SERINC5: variants seen among roughly 807,000 people sequenced by gnomAD.
SERINC5 encodes the protein serine incorporator 5, also known as chromosome 5 open reading frame 12.
In SERINC5, 41 loss-of-function variants were observed where a neutral mutation model predicts 63.1. That is an observed-to-expected ratio of 0.65 (90% CI 0.51 to 0.84). SERINC5 has a LOEUF of 0.84. SERINC5 is among the 40% of genes least tolerant of loss of function. SERINC5 has a pLI of 0.00. For synonymous variants in SERINC5, 222 were observed against 215.2 expected (o/e 1.03, Z -0.28); for missense variants, 523 against 573.0 (o/e 0.91, Z 0.89).
In SERINC5 at chr5:80,203,270, A is replaced by G. The variant is rs972310293; in HGVS notation, c.28-217T>C. ...AATATATATACACATATATATATAT[A>G]TGTGTATATATATTTATATATATTG... On this transcript the variant is annotated intron_variant, in intron 1 of 11. Coordinates refer to ENST00000507668, the MANE Select transcript of SERINC5 (RefSeq NM_001174072.3). The G allele has an allele frequency of 5.5e-4, 110 of 200,924 alleles. 2 individuals are homozygous for G. The highest frequency in any genetic ancestry group is 1.7e-3 in the South Asian group (19 of 11,478). 12.4% of individuals were successfully genotyped at this position (200,924 alleles called of 1,614,324 possible). A position where few individuals can be genotyped will look rare whatever the true frequency, so the allele number is the denominator to read the frequency against.
intron 11 of SERINC5, among the ~76,000 whole-genome samples, chr5:80,119,550 T>G (rs1428872015): frequency 6.6e-6 from 1 of 152,204 alleles, no homozygotes; most frequent in Non-Finnish European, 1.5e-5. Flanking sequence ...TAACTATTCT[T>G]TGAATCCCTC....
chr5:80,158,703 C>G (rs1425359451), intron 8 of SERINC5, 133 bp downstream of exon 8: 2 of 804,442 alleles, frequency 2.5e-6, no homozygotes, highest in Non-Finnish European at 1.9e-6. Flanking sequence ...TCACGCTCTT[C>G]GCCTTTTTAC....
chr5:80,215,361 C>CA (rs1466263746), intron 1 of SERINC5, among the ~76,000 whole-genome samples: 5 of 152,166 alleles, frequency 3.3e-5, no homozygotes, highest in Non-Finnish European at 7.4e-5. Flanking sequence ...GAGGCCTCCC[C>CA]AAAAGCAGAA....
chr5:80,169,535 G>A lies in SERINC5; in HGVS notation c.563C>T (p.Thr188Ile), dbSNP rs1327027820. 6.2e-7 allele frequency: 1 copy of A among 1,612,710 alleles called. No individual in the cohort carries two copies. Among genetic ancestry groups the A allele is most frequent in the Non-Finnish European group, 8.5e-7 (1 of 1,179,308 alleles). Residue 188 changes from threonine to isoleucine, a missense_variant, in exon 6 of 12, where the codon ACA (threonine) becomes ATA (isoleucine). By Grantham distance (89) the Thr-to-Ile change is moderately conservative. Coordinates refer to ENST00000507668, the MANE Select transcript of SERINC5 (RefSeq NM_001174072.3). ...HKWNKNWTAG[T>I]ASNKLWYASL... ...GGCGTACCACAGCTTGTTACTGGCTGTGCCTGCTGTCCTGTTTCTCCGGGA... is the reference window on the plus strand; with the variant it reads ...GGCGTACCACAGCTTGTTACTGGCTATGCCTGCTGTCCTGTTTCTCCGGGA...
intron 5 of SERINC5, among the ~76,000 whole-genome samples, chr5:80,173,220 AGG>A (rs1747776596): frequency 7.5e-6 from 1 of 133,814 alleles, no homozygotes; most frequent in African/African-American, 2.8e-5. Context: ...AAAGGCAGGA[AGG>A]AAAGAAGGAA....
Position 80,240,007 on chromosome 5 carries a change from G to A in SERINC5, c.27+15889C>T, listed in dbSNP as rs114647987. 3.9e-3 allele frequency among the ~76,000 whole-genome samples: 598 copies of A among 152,302 alleles called. 4 individuals are homozygous for A. The highest frequency in any genetic ancestry group is 0.014 in the African/African-American group (578 of 41,562). ...GCTTGGTCAGCCTTCCTGAAGCTCT[G>A]CAAGTCCAAGGCTTCTGAGCTATTT... On this transcript the variant is annotated intron_variant, in intron 1 of 11. Coordinates refer to ENST00000507668, the MANE Select transcript of SERINC5 (RefSeq NM_001174072.3).
intron 8 of SERINC5, chr5:80,158,131 G>A (rs1219482434): frequency 3.9e-5 from 6 of 152,178 alleles, no homozygotes; most frequent in Non-Finnish European, 7.3e-5. Context: ...TTAAAGGGAA[G>A]CTTAGTTATC....
intron 11 of SERINC5, among the ~76,000 whole-genome samples, chr5:80,125,819 C>T (rs1019866859): frequency 2.6e-4 from 40 of 152,166 alleles, no homozygotes; most frequent in African/African-American, 9.4e-4. Context: ...AAGAAAAGGA[C>T]ATGCAGTGGG....
chr5:80,223,885 G>T (rs979822677), intron 1 of SERINC5, among the ~76,000 whole-genome samples: 1 of 152,012 alleles, frequency 6.6e-6, no homozygotes, highest in Non-Finnish European at 1.5e-5. Flanking sequence ...CAGCACTTTG[G>T]GAGGCCGAGG....
At chr5:80,254,272 AGT>A (rs1752549632) in intron 1 of SERINC5, among the ~76,000 whole-genome samples, 1 of 152,186 alleles carries the variant, frequency 6.6e-6, no homozygotes, top group South Asian at 2.1e-4. Flanking sequence ...AGGAAATCAC[AGT>A]GTGATCACCA....
intron 1 of SERINC5, among the ~76,000 whole-genome samples, chr5:80,247,937 T>A (rs1173620413): frequency 6.6e-6 from 1 of 152,056 alleles, no homozygotes; most frequent in Non-Finnish European, 1.5e-5. Flanking sequence ...AGCCTCGACC[T>A]CCCTGGGCTC....
chr5:80,143,869 C>T, intron 11 of SERINC5, 59 bp from the exon 12 acceptor site: 2 of 1,515,108 alleles, frequency 1.3e-6, no homozygotes, highest in African/African-American at 1.4e-5. Context: ...ATACAATTCA[C>T]TAATTCACAT....
chr5:80,186,956 G>T (rs1748846885), intron 2 of SERINC5, among the ~76,000 whole-genome samples: 1 of 152,024 alleles, frequency 6.6e-6, no homozygotes, highest in South Asian at 2.1e-4. Flanking sequence ...AGGAGTTCGA[G>T]ACCAGCCTGG....
chr5:80,121,304 G>C lies in SERINC5; in HGVS notation c.1239-7679C>G, dbSNP rs557890168. 4.6e-5 allele frequency among the ~76,000 whole-genome samples: 7 copies of C among 152,318 alleles called. No homozygotes were observed. The East Asian group carries it at 1.4e-3, about 29-fold the overall frequency. ...CTGCTCAGTTTCTGGGGTGGCCTAA[G>C]GGAGCTTTTACTTAAAGCCAGAGCA... is the stretch of plus-strand genomic sequence containing the variant. On this transcript the variant is annotated intron_variant, in intron 11 of 12. Coordinates refer to the SERINC5 transcript ENST00000509193.
chr5:80,215,686 T>C (rs1428014577), intron 1 of SERINC5, among the ~76,000 whole-genome samples: 2 of 152,292 alleles, frequency 1.3e-5, no homozygotes, highest in African/African-American at 2.4e-5. Context: ...TTCTGGCAAG[T>C]GGTTTCTCAA....
chr5:80,119,204 T>A (rs79064453), intron 11 of SERINC5, among the ~76,000 whole-genome samples: 11,984 of 152,222 alleles, frequency 0.079, 573 homozygotes, highest in East Asian at 0.2. Flanking sequence ...AAGTACTGGA[T>A]AATTGGTAGC....
intron 1 of SERINC5, among the ~76,000 whole-genome samples, chr5:80,248,787 T>G (rs1412447158): frequency 6.6e-6 from 1 of 152,154 alleles, no homozygotes; most frequent in South Asian, 2.1e-4. Flanking sequence ...AAACAGTGAC[T>G]CAACCACCAT....
intron 7 of SERINC5, among the ~76,000 whole-genome samples, chr5:80,164,910 G>GTTTTTTTTTTTTTTT (rs70982026): frequency 5.9e-5 from 5 of 85,180 alleles, no homozygotes; most frequent in African/African-American, 9.8e-5. Context: ...CTTTTTTTCT[G>GTTTTTTTTTTTTTTT]TTTTTTTTTT....
At chr5:80,184,665 G>C (rs987969327) in intron 2 of SERINC5, among the ~76,000 whole-genome samples, 4 of 152,148 alleles carry the variant, frequency 2.6e-5, no homozygotes, top group African/African-American at 9.7e-5. Flanking sequence ...GAACCTCCAA[G>C]GTGAACAAGC....
Sources: allele counts gnomAD v4.1 joint callset (sites outside exome capture counted in the v4.1 genomes callset), GRCh38; gene constraint gnomAD v4.1.1; transcripts MANE v1.5; gene names NCBI Gene and HGNC (gene_info 2026-07-23, HGNC 2026-07-21).